Variants in SLC24A3 observed in about 807,000 individuals in gnomAD.
The protein encoded by SLC24A3 is solute carrier family 24 member 3.
In SLC24A3, 28 loss-of-function variants were observed where a neutral mutation model predicts 75.8. That is an observed-to-expected ratio of 0.37 (90% CI 0.27 to 0.51). SLC24A3 has a LOEUF of 0.51. Among genes scored for constraint, SLC24A3 ranks in the 20% least tolerant of loss-of-function variants. The pLI, the probability that SLC24A3 is intolerant of heterozygous loss-of-function variation, is 0.94. For missense variants in SLC24A3, 663 were observed against 847.8 expected, an observed-to-expected ratio of 0.78 and a Z score of 2.71; for synonymous variants, 372 against 334.1, an observed-to-expected ratio of 1.11 and a Z score of -1.24.
intron 16 of SLC24A3, 109 bp downstream of exon 16, chr20:19,717,702 C>A: frequency 1.8e-6 from 2 of 1,136,208 alleles, no homozygotes; most frequent in South Asian, 1.3e-5. Context: ...TACAAGCAAC[C>A]TCCTTGTCCC....
intron 6 of SLC24A3, among the ~76,000 whole-genome samples, chr20:19,600,817 C>T (rs1026740599): frequency 6.6e-6 from 1 of 152,122 alleles, no homozygotes; most frequent in Non-Finnish European, 1.5e-5. Context: ...TGCCACCACA[C>T]CTGGCTAATT....
At chr20:19,422,144 T>G (rs1986928396) in intron 2 of SLC24A3, among the ~76,000 whole-genome samples, 1 of 151,970 alleles carries the variant, frequency 6.6e-6, no homozygotes, top group African/African-American at 2.4e-5. Flanking sequence ...ACATGCAGAC[T>G]GGGTAGAGCT....
At chr20:19,506,218 A>G (rs186885607) in intron 2 of SLC24A3, among the ~76,000 whole-genome samples, 1 of 152,350 alleles carries the variant, frequency 6.6e-6, no homozygotes, top group Admixed American at 6.5e-5. Flanking sequence ...ATGTCACCAC[A>G]TAAGCATTTG....
intron 1 of SLC24A3, among the ~76,000 whole-genome samples, chr20:19,252,645 G>GC (rs1555783971): frequency 6.7e-6 from 1 of 149,732 alleles, no homozygotes; most frequent in African/African-American, 2.5e-5. Flanking sequence ...TGGAATGGCG[G>GC]GGGGGGGTGC....
intron 2 of SLC24A3, among the ~76,000 whole-genome samples, chr20:19,417,898 C>A (rs575454139): frequency 6.6e-6 from 1 of 152,130 alleles, no homozygotes; most frequent in Non-Finnish European, 1.5e-5. Context: ...AAAGCCAGAC[C>A]TGTACTCTCT....
At chr20:19,593,944 A>T (rs1017443212) in intron 6 of SLC24A3, among the ~76,000 whole-genome samples, 5 of 152,058 alleles carry the variant, frequency 3.3e-5, no homozygotes, top group Non-Finnish European at 5.9e-5. Context: ...TCACTCCTGA[A>T]CCCCACAACA....
At chr20:19,362,542 G>A (rs1177523954) in intron 2 of SLC24A3, among the ~76,000 whole-genome samples, 5 of 152,190 alleles carry the variant, frequency 3.3e-5, no homozygotes, top group South Asian at 4.1e-4. Context: ...TGGTGTTCTC[G>A]GCTTCAGTTA....
intron 1 of SLC24A3, among the ~76,000 whole-genome samples, chr20:19,226,844 T>C (rs994549967): frequency 1.0e-3 from 158 of 152,370 alleles, no homozygotes; most frequent in African/African-American, 3.6e-3. Context: ...TCTTAACTAT[T>C]ACATCGTATC....
chr20:19,634,511 G>T (rs1182980293), intron 6 of SLC24A3, among the ~76,000 whole-genome samples: 1 of 152,074 alleles, frequency 6.6e-6, no homozygotes, highest in African/African-American at 2.4e-5. Context: ...CTCAAAACCA[G>T]TAACATTCCA....
chr20:19,680,925 C>T (rs1056250622), intron 9 of SLC24A3, among the ~76,000 whole-genome samples: 1 of 152,204 alleles, frequency 6.6e-6, no homozygotes, highest in Non-Finnish European at 1.5e-5. Flanking sequence ...AACTGCCATG[C>T]CTATGGGAGG....
chr20:19,621,826 T>G (rs1253871776), intron 6 of SLC24A3, among the ~76,000 whole-genome samples: 1 of 152,194 alleles, frequency 6.6e-6, no homozygotes, highest in Non-Finnish European at 1.5e-5. Context: ...GCTCCACCAT[T>G]TCTCCTTAGA....
intron 9 of SLC24A3, among the ~76,000 whole-genome samples, chr20:19,677,028 G>C (rs533403288): frequency 6.6e-6 from 1 of 152,316 alleles, no homozygotes; most frequent in Admixed American, 6.5e-5. Context: ...TGACAGCTTA[G>C]TTAAGCTGTC....
chr20:19,247,153 G>A (rs142923411), intron 1 of SLC24A3, among the ~76,000 whole-genome samples: 15 of 152,194 alleles, frequency 9.9e-5, no homozygotes, highest in African/African-American at 2.2e-4. Context: ...ATATGTACAC[G>A]TCAGTCATGA....
chr20:19,517,177 G>A (rs553114974), intron 3 of SLC24A3, among the ~76,000 whole-genome samples: 12 of 152,172 alleles, frequency 7.9e-5, no homozygotes, highest in Admixed American at 5.9e-4. Context: ...TCGGCACCAA[G>A]GAGGCTACCC....
intron 3 of SLC24A3, among the ~76,000 whole-genome samples, chr20:19,576,749 G>A (rs563251732): frequency 6.6e-5 from 10 of 152,312 alleles, no homozygotes; most frequent in African/African-American, 2.2e-4. Context: ...AGATCAATAT[G>A]TAATACTGGA....
chr20:19,398,674 A>G (rs1272536647), intron 2 of SLC24A3, among the ~76,000 whole-genome samples: 1 of 151,936 alleles, frequency 6.6e-6, no homozygotes, highest in Non-Finnish European at 1.5e-5. Context: ...CATTTTATTT[A>G]TTTTTCTTGT....
chr20:19,396,112 A>G (rs1261125368), intron 2 of SLC24A3, among the ~76,000 whole-genome samples: 1 of 151,780 alleles, frequency 6.6e-6, no homozygotes, highest in Non-Finnish European at 1.5e-5. Flanking sequence ...CTGCAAAAGG[A>G]AGTTACCAAT....
chr20:19,706,470 C>T (rs547000826), intron 15 of SLC24A3, among the ~76,000 whole-genome samples: 1 of 152,146 alleles, frequency 6.6e-6, no homozygotes, highest in South Asian at 2.1e-4. Context: ...CCAAGATTAT[C>T]AGGACAAGCA....
chr20:19,485,433 G>A (rs1988114036), intron 2 of SLC24A3, among the ~76,000 whole-genome samples: 1 of 152,174 alleles, frequency 6.6e-6, no homozygotes. Context: ...AAAAACAAAG[G>A]AGGCTGTATT....
Sources: allele counts gnomAD v4.1 joint callset (sites outside exome capture counted in the v4.1 genomes callset), GRCh38; gene constraint gnomAD v4.1.1; transcripts MANE v1.5; gene names NCBI Gene and HGNC (gene_info 2026-07-23, HGNC 2026-07-21).